The following CTNNA2 variants were observed in gnomAD, a reference collection of about 807,000 sequenced individuals.
CTNNA2 encodes the protein catenin alpha-2.
A neutral mutation model predicts 101.0 loss-of-function variants in CTNNA2; 42 were observed. That is an observed-to-expected ratio of 0.42 (90% confidence interval 0.32 to 0.54). CTNNA2 has a LOEUF of 0.54. Ranked by LOEUF, CTNNA2 falls within the 20% of genes least tolerant of loss-of-function variation. The pLI, the probability that CTNNA2 is intolerant of heterozygous loss-of-function variation, is 0.14. For synonymous variants in CTNNA2, 450 were observed against 456.4 expected (o/e 0.99, Z 0.18); for missense variants, 871 against 1,223.1 (o/e 0.71, Z 4.29).
chr2:80,283,479 G>T (rs1674537091), intron 7 of CTNNA2, among the ~76,000 whole-genome samples: 1 of 152,070 alleles, frequency 6.6e-6, no homozygotes, highest in African/African-American at 2.4e-5. Context: ...CAAATAACAA[G>T]ATAGTATTGG....
intron 3 of CTNNA2, among the ~76,000 whole-genome samples, chr2:79,818,181 A>G (rs1511194): frequency 0.11 from 16,474 of 152,212 alleles, 1,297 homozygotes; most frequent in East Asian, 0.36. Flanking sequence ...TTTTGGAAGA[A>G]GGAAGTTTGC....
chr2:79,773,950 G>C (rs1466560856), intron 3 of CTNNA2, among the ~76,000 whole-genome samples: 1 of 152,104 alleles, frequency 6.6e-6, no homozygotes, highest in Non-Finnish European at 1.5e-5. Context: ...AGAGACTCGA[G>C]TCCCCTTTTG....
intron 18 of CTNNA2, among the ~76,000 whole-genome samples, chr2:80,628,996 G>T (rs993540761): frequency 6.6e-6 from 1 of 152,154 alleles, no homozygotes; most frequent in Non-Finnish European, 1.5e-5. Context: ...TTTCTCAGCT[G>T]TAAAGTGAAA....
chr2:79,790,139 G>C (rs1280318825), intron 3 of CTNNA2, among the ~76,000 whole-genome samples: 1 of 152,184 alleles, frequency 6.6e-6, no homozygotes, highest in African/African-American at 2.4e-5. Flanking sequence ...AATCGTAATA[G>C]TGGATGCAAT....
chr2:79,938,669 G>A (rs1160738090), intron 7 of CTNNA2, among the ~76,000 whole-genome samples: 1 of 152,174 alleles, frequency 6.6e-6, no homozygotes, highest in Non-Finnish European at 1.5e-5. Flanking sequence ...TGAGATGGAG[G>A]TGGCTCCAAA....
intron 9 of CTNNA2, among the ~76,000 whole-genome samples, chr2:80,487,820 C>T (rs6734092): frequency 0.085 from 12,878 of 152,212 alleles, 1,749 homozygotes; most frequent in African/African-American, 0.29. Flanking sequence ...GTCTCTTAGA[C>T]GCCAAACTAA....
At chr2:79,973,510 T>C (rs1349790662) in intron 7 of CTNNA2, among the ~76,000 whole-genome samples, 1 of 152,054 alleles carries the variant, frequency 6.6e-6, no homozygotes, top group Non-Finnish European at 1.5e-5. Context: ...ACAGAGAAGA[T>C]TTATTGGAAA....
At chr2:80,335,139 A>C (rs1671659595) in intron 7 of CTNNA2, among the ~76,000 whole-genome samples, 1 of 152,226 alleles carries the variant, frequency 6.6e-6, no homozygotes, top group African/African-American at 2.4e-5. Flanking sequence ...GGAAAAGAAT[A>C]TTGTAGACAG....
intron 8 of CTNNA2, among the ~76,000 whole-genome samples, chr2:80,409,300 A>C (rs929050526): frequency 6.7e-6 from 1 of 149,076 alleles, no homozygotes; most frequent in African/African-American, 2.5e-5. Flanking sequence ...TTAAGTAATA[A>C]AAAAAAAAAG....
At chr2:80,353,979 G>C (rs1237492596) in intron 7 of CTNNA2, among the ~76,000 whole-genome samples, 1 of 152,088 alleles carries the variant, frequency 6.6e-6, no homozygotes, top group Non-Finnish European at 1.5e-5. Context: ...GGTTTCAGGA[G>C]GTATGTTAAT....
chr2:79,600,499 A>T (rs1165680760), intron 1 of CTNNA2, among the ~76,000 whole-genome samples: 1 of 152,064 alleles, frequency 6.6e-6, no homozygotes, highest in African/African-American at 2.4e-5. Flanking sequence ...TTAAAAGCAG[A>T]TGTGTGACCT....
intron 18 of CTNNA2, among the ~76,000 whole-genome samples, chr2:80,640,420 GCTATCAAGGAAATGT>G (rs1393010325): frequency 1.3e-5 from 2 of 152,178 alleles, no homozygotes; most frequent in Non-Finnish European, 2.9e-5. Flanking sequence ...ATGAGAGCTT[GCTATCAAGGAAATGT>G]CTTTCTGTGA....
chr2:80,145,776 T>G (rs10496238), intron 7 of CTNNA2, among the ~76,000 whole-genome samples: 1 of 152,010 alleles, frequency 6.6e-6, no homozygotes, highest in Admixed American at 6.6e-5. Flanking sequence ...AGCAATCTAA[T>G]GTGTATATGA....
chr2:79,515,580 C>T (rs1398764665), intron 1 of CTNNA2, among the ~76,000 whole-genome samples: 1 of 152,148 alleles, frequency 6.6e-6, no homozygotes, highest in Admixed American at 6.5e-5. Flanking sequence ...CATTAGTCCA[C>T]TGAGTGGAAA....
intron 18 of CTNNA2, among the ~76,000 whole-genome samples, chr2:80,629,324 A>G (rs1014247480): frequency 1.3e-5 from 2 of 152,146 alleles, no homozygotes; most frequent in Non-Finnish European, 2.9e-5. Flanking sequence ...GAGAGGGGAT[A>G]GTTGAAAATA....
At chr2:79,304,930 A>G (rs1192911229) in intron 2 of CTNNA2, among the ~76,000 whole-genome samples, 2 of 152,196 alleles carry the variant, frequency 1.3e-5, no homozygotes, top group African/African-American at 4.8e-5. Flanking sequence ...ATCCTTATGC[A>G]TAAACTGTAG....
intron 3 of CTNNA2, among the ~76,000 whole-genome samples, chr2:79,755,604 G>C (rs1672345035): frequency 6.6e-6 from 1 of 152,146 alleles, no homozygotes; most frequent in Non-Finnish European, 1.5e-5. Flanking sequence ...AGGAGTCCAT[G>C]AAAATTCATC....
At chr2:79,410,684 C>G (rs1171676909) in intron 4 of CTNNA2, among the ~76,000 whole-genome samples, 2 of 149,492 alleles carry the variant, frequency 1.3e-5, no homozygotes, top group Non-Finnish European at 3.0e-5. Context: ...TTTTGATGAG[C>G]TGCTGGATTC....
At chr2:80,347,610 C>A (rs964044173) in intron 7 of CTNNA2, among the ~76,000 whole-genome samples, 3 of 152,122 alleles carry the variant, frequency 2.0e-5, no homozygotes, top group African/African-American at 7.2e-5. Flanking sequence ...TTTGAGCTCA[C>A]ATTGCATAAT....
Sources: gnomAD v4.1 joint callset for allele counts (sites outside exome capture counted in the v4.1 genomes callset) on GRCh38, gnomAD v4.1.1 for gene constraint, MANE v1.5 for transcripts, NCBI Gene and HGNC (gene_info 2026-07-23, HGNC 2026-07-21) for gene names.